The following TLN2 variants were observed in gnomAD, a reference collection of about 807,000 sequenced individuals.
TLN2 encodes the protein talin-2.
TLN2 carries 118 observed loss-of-function variants against 294.7 expected under a neutral mutation model. The ratio of observed to expected loss-of-function variants is 0.40; its 90% CI spans 0.34 to 0.47. The LOEUF (loss-of-function observed/expected upper bound fraction) is 0.47, where lower values mean the gene tolerates loss of function less well. TLN2 is among the 20% of genes least tolerant of loss of function. The probability of loss-of-function intolerance (pLI) is 0.84; values close to 1 mark genes in which losing one functional copy is unlikely to be tolerated. For synonymous variants in TLN2, 1,431 were observed against 1,304.5 expected (o/e 1.10, Z -2.09); for missense variants, 3,083 against 3,282.2 (o/e 0.94, Z 1.48).
At chr15:62,710,258 AG>A (rs1009420610) in intron 21 of TLN2, among the ~76,000 whole-genome samples, 77 of 152,302 alleles carry the variant, frequency 5.1e-4, no homozygotes, top group African/African-American at 1.8e-3. Flanking sequence ...TTGCTGGGCC[AG>A]TAGGTAGATT....
At chr15:62,454,737 C>G (rs548048717) in intron 1 of TLN2, among the ~76,000 whole-genome samples, 15 of 152,102 alleles carry the variant, frequency 9.9e-5, no homozygotes, top group Admixed American at 2.6e-4. Context: ...CAGATAGATC[C>G]AGCTCCTAGT....
At chr15:62,776,486 T>C (rs955135258) in intron 42 of TLN2, among the ~76,000 whole-genome samples, 4 of 152,212 alleles carry the variant, frequency 2.6e-5, no homozygotes, top group African/African-American at 9.6e-5. Context: ...TCTACAGTCC[T>C]GAACATAGTA....
chr15:62,401,442 CAA>C (rs1452272503), intron 1 of TLN2, among the ~76,000 whole-genome samples: 1 of 152,112 alleles, frequency 6.6e-6, no homozygotes, highest in Non-Finnish European at 1.5e-5. Context: ...GTGCAGGAAA[CAA>C]AGAGACCTGG....
intron 7 of TLN2, 112 bp from the exon 8 acceptor site, chr15:62,655,832 T>A: frequency 8.4e-7 from 1 of 1,189,370 alleles, no homozygotes; most frequent in Non-Finnish European, 1.2e-6. Flanking sequence ...ATAACTACTA[T>A]AACTAAGTAT....
intron 1 of TLN2, among the ~76,000 whole-genome samples, chr15:62,400,004 G>A (rs1030690613): frequency 7.2e-5 from 11 of 152,152 alleles, no homozygotes; most frequent in South Asian, 2.1e-4. Flanking sequence ...GTGTCCTCAC[G>A]CAAAAATCTC....
At chr15:62,727,211 C>T (rs952550395) in intron 28 of TLN2, 22 bp downstream of exon 28, 2 of 1,601,796 alleles carry the variant, frequency 1.2e-6, no homozygotes, top group Non-Finnish European at 1.7e-6. Context: ...GCCCTTCATG[C>T]CACTGTGGCC....
chr15:62,480,768 T>C (rs1024883353), intron 1 of TLN2, among the ~76,000 whole-genome samples: 1 of 152,174 alleles, frequency 6.6e-6, no homozygotes, highest in African/African-American at 2.4e-5. Context: ...ACTTTTTTTC[T>C]TTTTTTGAAG....
At chr15:62,661,620 T>C (rs2140971128) in intron 9 of TLN2, among the ~76,000 whole-genome samples, 1 of 152,312 alleles carries the variant, frequency 6.6e-6, no homozygotes, top group African/African-American at 2.4e-5. Flanking sequence ...TGAATGTAAG[T>C]AAATGAAATG....
At chr15:62,692,140 A>G (rs998912878) in intron 12 of TLN2, among the ~76,000 whole-genome samples, 2 of 152,122 alleles carry the variant, frequency 1.3e-5, no homozygotes, top group Admixed American at 6.5e-5. Flanking sequence ...TTCTTTTGAC[A>G]CTAAGGTTCC....
At chr15:62,581,099 G>A (rs2044964154) in intron 1 of TLN2, among the ~76,000 whole-genome samples, 1 of 151,984 alleles carries the variant, frequency 6.6e-6, no homozygotes, top group Non-Finnish European at 1.5e-5. Context: ...GGCCCGGATG[G>A]TCTCCTAACA....
At chr15:62,398,269 G>A (rs964786853) in intron 1 of TLN2, among the ~76,000 whole-genome samples, 5 of 152,084 alleles carry the variant, frequency 3.3e-5, no homozygotes, top group Non-Finnish European at 5.9e-5. Flanking sequence ...CTCTCCTGCC[G>A]TCATGTGAAG....
chr15:62,441,881 G>A (rs113420913), intron 1 of TLN2, among the ~76,000 whole-genome samples: 6 of 152,258 alleles, frequency 3.9e-5, no homozygotes, highest in African/African-American at 1.4e-4. Context: ...GGCGGGTGGT[G>A]TGCCCCCCTA....
chr15:62,527,137 G>A (rs1460807818), intron 1 of TLN2, among the ~76,000 whole-genome samples: 1 of 152,186 alleles, frequency 6.6e-6, no homozygotes, highest in Non-Finnish European at 1.5e-5. Context: ...TGAGATTGTA[G>A]GTGAGGAGTG....
intron 8 of TLN2, 90 bp downstream of exon 8, chr15:62,656,176 C>T: frequency 1.3e-6 from 2 of 1,515,644 alleles, no homozygotes; most frequent in Non-Finnish European, 1.8e-6. Flanking sequence ...GCGGCGCTGG[C>T]TTCTGCCACA....
At chr15:62,566,196 G>T (rs953064667) in intron 1 of TLN2, among the ~76,000 whole-genome samples, 2 of 152,082 alleles carry the variant, frequency 1.3e-5, no homozygotes, top group Non-Finnish European at 2.9e-5. Flanking sequence ...TGGGGGCTTG[G>T]GGTGCGGGCA....
chr15:62,544,726 C>CTTTTTTTTTTTTTTT (rs11424816), intron 1 of TLN2, among the ~76,000 whole-genome samples: 1 of 144,870 alleles, frequency 6.9e-6, no homozygotes. Flanking sequence ...AGTAGAAAAG[C>CTTTTTTTTTTTTTTT]TTTTTTTTTT....
At chr15:62,674,699 A>C (rs983099907) in intron 10 of TLN2, among the ~76,000 whole-genome samples, 1 of 151,890 alleles carries the variant, frequency 6.6e-6, no homozygotes, top group Admixed American at 6.6e-5. Context: ...AGGGGGTTTC[A>C]CCATGTTGGC....
intron 51 of TLN2, among the ~76,000 whole-genome samples, chr15:62,806,657 C>T (rs2066306445): frequency 6.6e-6 from 1 of 152,150 alleles, no homozygotes; most frequent in Non-Finnish European, 1.5e-5. Context: ...GCTGTGGAGA[C>T]CCAGGGCCTG....
chr15:62,441,945 T>A (rs767462074), intron 1 of TLN2, among the ~76,000 whole-genome samples: 1 of 152,140 alleles, frequency 6.6e-6, no homozygotes, highest in Non-Finnish European at 1.5e-5. Context: ...AAGCATCTCT[T>A]CTATCTGGCT....
Sources: gnomAD v4.1 joint callset for allele counts (sites outside exome capture counted in the v4.1 genomes callset) on GRCh38, gnomAD v4.1.1 for gene constraint, MANE v1.5 for transcripts, NCBI Gene and HGNC (gene_info 2026-07-23, HGNC 2026-07-21) for gene names.